Variants in RCC1 observed in about 807,000 individuals in gnomAD.
RCC1 encodes the protein regulator of chromosome condensation.
RCC1 carries 11 observed loss-of-function variants against 44.4 expected under a neutral mutation model. That is an observed-to-expected ratio of 0.25 (90% CI 0.16 to 0.41). The LOEUF (loss-of-function observed/expected upper bound fraction) is 0.41, where lower values mean the gene tolerates loss of function less well. RCC1 is among the 10% of genes least tolerant of loss of function. The probability of loss-of-function intolerance (pLI) is 1.00; values close to 1 mark genes in which losing one functional copy is unlikely to be tolerated. For synonymous variants in RCC1, 213 were observed against 216.5 expected (o/e 0.98, Z 0.14); for missense variants, 386 against 547.1 (o/e 0.71, Z 2.94).
chr1:28,526,407 A>G, intron 4 of RCC1: 1 of 447,972 alleles, frequency 2.2e-6, no homozygotes, highest in Non-Finnish European at 4.3e-6. Flanking sequence ...GTCTCGAGAA[A>G]TTCGCTTAGT....
chr1:28,508,673 C>A (rs1406549669), intron 2 of RCC1, 157 bp from the exon 3 acceptor site: 1 of 518,972 alleles, frequency 1.9e-6, no homozygotes, highest in Non-Finnish European at 3.8e-6. Context: ...GAAGATGAAG[C>A]TGGGCCTCGT....
chr1:28,515,746 CTAAAAAAA>C (rs1435414706), intron 3 of RCC1, among the ~76,000 whole-genome samples: 1 of 151,430 alleles, frequency 6.6e-6, no homozygotes, highest in East Asian at 1.9e-4. Context: ...AAATACAAAA[CTAAAAAAA>C]TAAAAATAAA....
Position 28,537,851 on chromosome 1 carries a change from C to T in RCC1, c.1110C>T (p.Gly370=). Residue 370 remains glycine, a synonymous_variant, in exon 13 of 13, where the codon GGC becomes GGT. Transcript: ENST00000683442. The part of the protein sequence containing the change: ...VTKDGRVFAW[G]MGTNYQLGTG... ...TTGCAGGTCGTGTTTTCGCCTGGGGCATGGGCACCAACTACCAGCTGGGCA... is the reference window on the plus strand; with the variant it reads ...TTGCAGGTCGTGTTTTCGCCTGGGGTATGGGCACCAACTACCAGCTGGGCA... 1.2e-6 allele frequency: 2 copies of T among 1,612,858 alleles called. No homozygotes were observed. Among genetic ancestry groups the T allele is most frequent in the East Asian group, 2.2e-5 (1 of 44,868 alleles).
intron 3 of RCC1, chr1:28,509,561 A>G (rs1240009504): frequency 6.6e-6 from 1 of 152,188 alleles, no homozygotes; most frequent in Non-Finnish European, 1.5e-5. Flanking sequence ...TTTCTAATGT[A>G]TTTGTAATTT....
At chr1:28,511,975 CCTTTT>C (rs1557867587) in intron 3 of RCC1, among the ~76,000 whole-genome samples, 1 of 122,650 alleles carries the variant, frequency 8.2e-6, no homozygotes, top group Admixed American at 8.3e-5. Context: ...CAAGCCTGAT[CCTTTT>C]TTTTTTTTTT....
At position 28,530,627 on chromosome 1, in the gene RCC1, C is replaced by T. The variant is rs376441650; in HGVS notation, c.73+688C>T. 1.1e-5 allele frequency: 18 copies of T among 1,590,504 alleles called. No individual in the cohort carries two copies. In the African/African-American group the frequency reaches 2.4e-4, roughly 21 times the overall value. ...GAAAACCCGACCAGGTGGCTCCGCG[C>T]CCGGGGCGCCCTCTGTGCTGCCAGC... On this transcript the variant is annotated intron_variant, in intron 5 of 12. Coordinates refer to ENST00000683442, the MANE Select transcript of RCC1 (RefSeq NM_001381865.2).
intron 4 of RCC1, among the ~76,000 whole-genome samples, chr1:28,523,027 CTTTTTTTTTTT>C (rs775851239): frequency 1.1e-5 from 1 of 91,040 alleles, no homozygotes; most frequent in Non-Finnish European, 2.1e-5. Context: ...GAAGAAATTT[CTTTTTTTTTTT>C]TTTTTTTTTT....
chr1:28,509,178 A>G (rs146242432), intron 3 of RCC1: 23 of 307,492 alleles, frequency 7.5e-5, no homozygotes, highest in African/African-American at 4.8e-4. Context: ...GGAATTTGGC[A>G]TTTAGCTAGG....
chr1:28,513,201 T>C (rs574443385), intron 3 of RCC1, among the ~76,000 whole-genome samples: 2 of 152,002 alleles, frequency 1.3e-5, no homozygotes, highest in African/African-American at 4.8e-5. Flanking sequence ...CACGCCCAGC[T>C]AATTTTTTTG....
intron 7 of RCC1, 116 bp downstream of exon 7, chr1:28,532,466 C>T (rs1357544234): frequency 1.7e-6 from 2 of 1,168,464 alleles, no homozygotes; most frequent in African/African-American, 1.5e-5. Flanking sequence ...AGATGAAAGC[C>T]CACAGGTAGA....
At chr1:28,508,499 C>G (rs991580237) in intron 2 of RCC1, 1 of 473,796 alleles carries the variant, frequency 2.1e-6, no homozygotes, top group Middle Eastern at 3.2e-4. Flanking sequence ...CTTGAAAATA[C>G]TGTGGGTGAT....
chr1:28,523,224 G>T (rs1325300272), intron 4 of RCC1, among the ~76,000 whole-genome samples: 1 of 151,792 alleles, frequency 6.6e-6, no homozygotes, highest in Non-Finnish European at 1.5e-5. Flanking sequence ...GTAGAGACGG[G>T]GTTTCACCGT....
intron 1 of RCC1, chr1:28,507,105 G>A (rs889455403): frequency 4.3e-6 from 1 of 231,412 alleles, no homozygotes; most frequent in Non-Finnish European, 8.9e-6. Flanking sequence ...AAGTCCACGT[G>A]TTTCATTTGA....
Position 28,536,195 on chromosome 1 carries a change from GGGA to G in RCC1, c.818-62_818-60del. On this transcript the variant is annotated intron_variant, in intron 10 of 12. Transcript: ENST00000683442. This position sits in a 1 kb window ranked among gnomAD's most constrained non-coding sequence, Gnocchi z 4.9. ...TCCTGATGGGAGGTGGCCTCACTGT[GGGA>G]GGAGATTGAGAAGGGCAGCTCTCAG... 1 of 1,589,582 alleles carries G rather than the reference GGGA, an allele frequency of 6.3e-7. No homozygotes were observed.
At chr1:28,511,989 T>C (rs1422811515) in intron 3 of RCC1, among the ~76,000 whole-genome samples, 4 of 150,240 alleles carry the variant, frequency 2.7e-5, no homozygotes, top group African/African-American at 9.8e-5. Flanking sequence ...TTTTTTTTTT[T>C]TTTTTTTGAG....
intron 3 of RCC1, among the ~76,000 whole-genome samples, chr1:28,516,011 C>T (rs1235797673): frequency 1.3e-5 from 2 of 151,312 alleles, no homozygotes; most frequent in East Asian, 2.0e-4. Flanking sequence ...GGTAAAACCC[C>T]GTCTCTACTA....
intron 5 of RCC1, chr1:28,530,647 G>A (rs1224102193): frequency 1.9e-6 from 3 of 1,546,902 alleles, no homozygotes; most frequent in Non-Finnish European, 2.6e-6. Flanking sequence ...CCTCTGTGCT[G>A]CCAGCGCGGG....
Position 28,532,203 on chromosome 1 carries a change from C to T in RCC1, c.294C>T (p.Ala98=). 1.9e-6 allele frequency: 3 copies of T among 1,613,686 alleles called. No individual in the cohort carries two copies. The highest frequency in any genetic ancestry group is 2.5e-6 in the Non-Finnish European group (3 of 1,179,854). ...CCTTCGGCTGCAATGATGAGGGTGC[C>T]CTGGGAAGGGACACATCAGTGGAGG... is the stretch of plus-strand genomic sequence containing the variant. The part of the protein sequence containing the change: ...VYSFGCNDEG[A]LGRDTSVEGS... The change falls in exon 7 of 13, where the codon GCC becomes GCT. Residue 98 remains alanine, a synonymous_variant. Coordinates refer to ENST00000683442, the MANE Select transcript of RCC1 (RefSeq NM_001381865.2).
At chr1:28,526,206 G>A (rs182364783) in intron 4 of RCC1, 280 of 171,182 alleles carry the variant, frequency 1.6e-3, no homozygotes, top group Non-Finnish European at 2.7e-3. Context: ...GATCACCTGA[G>A]CTCAAGAGGT....
Sources: gnomAD v4.1 joint callset for allele counts (sites outside exome capture counted in the v4.1 genomes callset) on GRCh38, gnomAD v4.1.1 for gene constraint, Gnocchi (gnomAD v3.1) non-coding constraint, MANE v1.5 for transcripts, NCBI Gene and HGNC (gene_info 2026-07-23, HGNC 2026-07-21) for gene names.